Variants in GDAP1L1 observed in about 807,000 individuals in gnomAD.
The protein encoded by GDAP1L1 is ganglioside-induced differentiation-associated protein 1-like 1.
In GDAP1L1, 21 loss-of-function variants were observed where a neutral mutation model predicts 37.1. The observed-to-expected ratio is 0.57, with a 90% CI of 0.40 to 0.81. The LOEUF (loss-of-function observed/expected upper bound fraction) is 0.81, where lower values mean the gene tolerates loss of function less well. GDAP1L1 is among the 40% of genes least tolerant of loss of function. GDAP1L1 has a pLI of 0.00. For synonymous variants in GDAP1L1, 193 were observed against 209.1 expected, an observed-to-expected ratio of 0.92 and a Z score of 0.67; for missense variants, 362 against 491.6, an observed-to-expected ratio of 0.74 and a Z score of 2.49.
At position 44,263,338 on chromosome 20, in the gene GDAP1L1, C is replaced by T; in HGVS notation, c.645+11C>T. On this transcript the variant is annotated intron_variant, in intron 4 of 5. Transcript: ENST00000342560. ...CAAAAGAAGCTCATGGTGAGTACCT[C>T]CCGGCCTGCTGAGTCCCCTTCCCTA... 1 of 1,585,888 alleles carries T rather than the reference C, an allele frequency of 6.3e-7. No individual in the cohort carries two copies. Among genetic ancestry groups the T allele is most frequent in the Non-Finnish European group, 8.7e-7 (1 of 1,154,282 alleles).
At position 44,278,970 on chromosome 20, in the gene GDAP1L1, G is replaced by A. The variant is rs760840778; in HGVS notation, c.774G>A (p.Glu258=). 6.8e-6 allele frequency: 11 copies of A among 1,612,084 alleles called. No homozygotes were observed. Among genetic ancestry groups the A allele is most frequent in the Non-Finnish European group, 9.3e-6 (11 of 1,178,444 alleles). Reference sequence around the variant, plus strand: ...CTTCCACTCTAGGGCAGAAATGCGAGCTGTGGCTCTGTGGCTGTGCCTTCA... The same window carrying A: ...CTTCCACTCTAGGGCAGAAATGCGAACTGTGGCTCTGTGGCTGTGCCTTCA... ...RKLENEGQKC[E]LWLCGCAFTL... is the part of the protein sequence containing the mutation. The change falls in exon 6 of 6, where the codon GAG becomes GAA. Residue 258 remains glutamate (E), a synonymous_variant. Coordinates refer to ENST00000342560, the MANE Select transcript of GDAP1L1 (RefSeq NM_024034.6).
intron 1 of GDAP1L1, among the ~76,000 whole-genome samples, chr20:44,248,050 C>A (rs1391961979): frequency 6.6e-6 from 1 of 152,162 alleles, no homozygotes; most frequent in East Asian, 1.9e-4. Context: ...TGTCCCCAGT[C>A]GTCGCCCACC....
chr20:44,252,322 G>A (rs2073460602), intron 1 of GDAP1L1, among the ~76,000 whole-genome samples: 1 of 152,060 alleles, frequency 6.6e-6, no homozygotes, highest in Non-Finnish European at 1.5e-5. Flanking sequence ...GACCAGTCTG[G>A]CCAACAGGTG....
At chr20:44,265,240 A>G (rs919493441) in intron 5 of GDAP1L1, 92 of 985,202 alleles carry the variant, frequency 9.3e-5, no homozygotes, top group Admixed American at 1.2e-4. Flanking sequence ...AAACTTGGAC[A>G]TGCCAGCTTC....
chr20:44,269,237 T>C (rs2062487657), intron 5 of GDAP1L1, among the ~76,000 whole-genome samples: 1 of 152,136 alleles, frequency 6.6e-6, no homozygotes, highest in African/African-American at 2.4e-5. Flanking sequence ...GATAAATTAA[T>C]GAGCAAAATC....
intron 3 of GDAP1L1, among the ~76,000 whole-genome samples, chr20:44,260,073 G>A (rs2073644643): frequency 6.6e-6 from 1 of 152,166 alleles, no homozygotes; most frequent in Non-Finnish European, 1.5e-5. Flanking sequence ...TTGAACATAT[G>A]CACCAAGAAG....
intron 5 of GDAP1L1, among the ~76,000 whole-genome samples, chr20:44,270,239 C>T (rs1403238709): frequency 1.5e-5 from 2 of 136,102 alleles, no homozygotes; most frequent in Non-Finnish European, 3.1e-5. Flanking sequence ...GGCGGGATCT[C>T]GGCTCACTGC....
chr20:44,269,035 G>A (rs1445017897), intron 5 of GDAP1L1, among the ~76,000 whole-genome samples: 1 of 152,184 alleles, frequency 6.6e-6, no homozygotes, highest in Admixed American at 6.5e-5. Context: ...GGGACGGCTT[G>A]CCTCTCACAC....
At chr20:44,257,610 C>A (rs570727686) in intron 2 of GDAP1L1, among the ~76,000 whole-genome samples, 3 of 151,844 alleles carry the variant, frequency 2.0e-5, no homozygotes, top group South Asian at 2.1e-4. Context: ...AGACACCCCC[C>A]CACCAGGAGC....
intron 1 of GDAP1L1, among the ~76,000 whole-genome samples, chr20:44,249,537 CCAGCGGCTGGGACCAGA>C (rs2073399240): frequency 6.6e-6 from 1 of 152,188 alleles, no homozygotes; most frequent in African/African-American, 2.4e-5. Context: ...GAAGTGGGCC[CCAGCGGCTGGGACCAGA>C]CAGGGGGCAG....
At chr20:44,252,738 G>A (rs1169285695) in intron 1 of GDAP1L1, among the ~76,000 whole-genome samples, 6 of 151,616 alleles carry the variant, frequency 4.0e-5, no homozygotes, top group Admixed American at 6.6e-5. Flanking sequence ...CAGGAAAATC[G>A]ATTGAATCCA....
intron 3 of GDAP1L1, among the ~76,000 whole-genome samples, chr20:44,262,772 A>G (rs2073694970): frequency 6.6e-6 from 1 of 152,018 alleles, no homozygotes; most frequent in African/African-American, 2.4e-5. Context: ...GCTGGAGTGC[A>G]GTGGTGCTAT....
chr20:44,252,103 C>T (rs970835563), intron 1 of GDAP1L1, among the ~76,000 whole-genome samples: 1 of 152,356 alleles, frequency 6.6e-6, no homozygotes, highest in East Asian at 1.9e-4. Context: ...GAAGAAAATG[C>T]TAACTGTCAG....
At chr20:44,259,824 G>A (rs1024170768) in intron 3 of GDAP1L1, among the ~76,000 whole-genome samples, 5 of 152,066 alleles carry the variant, frequency 3.3e-5, no homozygotes, top group African/African-American at 4.8e-5. Flanking sequence ...TGTACATCCG[G>A]CTCCCAGCAA....
chr20:44,270,164 A>ATTTTTTTTT, intron 5 of GDAP1L1, among the ~76,000 whole-genome samples: 1 of 100,594 alleles, frequency 9.9e-6, no homozygotes, highest in African/African-American at 4.1e-5. Flanking sequence ...AGTGTCTTAA[A>ATTTTTTTTT]TTTTTTTTTT....
chr20:44,252,822 CAA>C (rs3091993), intron 1 of GDAP1L1, among the ~76,000 whole-genome samples: 12,396 of 122,910 alleles, frequency 0.1, 1,014 homozygotes, highest in East Asian at 0.39. Context: ...GACCCTGTCT[CAA>C]AAAAAAAAAA....
At chr20:44,254,710 A>G (rs2073506844) in intron 1 of GDAP1L1, among the ~76,000 whole-genome samples, 1 of 152,184 alleles carries the variant, frequency 6.6e-6, no homozygotes, top group South Asian at 2.1e-4. Flanking sequence ...TACCTGCACC[A>G]TGCGCCCCAC....
chr20:44,264,179 G>C (rs1053497317), intron 4 of GDAP1L1, among the ~76,000 whole-genome samples: 1 of 152,192 alleles, frequency 6.6e-6, no homozygotes, highest in Non-Finnish European at 1.5e-5. Flanking sequence ...TTGGCTGAGA[G>C]AAGGGGCAGC....
intron 1 of GDAP1L1, among the ~76,000 whole-genome samples, chr20:44,249,209 T>A (rs2073392922): frequency 6.6e-6 from 1 of 152,066 alleles, no homozygotes; most frequent in South Asian, 2.1e-4. Flanking sequence ...CTAATTTTTT[T>A]ATATTTTTGG....
Sources: gnomAD v4.1 joint callset for allele counts (sites outside exome capture counted in the v4.1 genomes callset) on GRCh38, gnomAD v4.1.1 for gene constraint, MANE v1.5 for transcripts, NCBI Gene and HGNC (gene_info 2026-07-23, HGNC 2026-07-21) for gene names.